Variants in GET1 observed in about 807,000 individuals in gnomAD.
GET1 encodes guided entry of tail-anchored proteins factor 1.
A neutral mutation model predicts 22.6 loss-of-function variants in GET1; 20 were observed. The ratio of observed to expected loss-of-function variants is 0.89; its 90% CI spans 0.62 to 1.29. The LOEUF is 1.29. Among genes scored for constraint, GET1 ranks in the 50% most tolerant of loss-of-function variants. The pLI, the probability that GET1 is intolerant of heterozygous loss-of-function variation, is 0.00. For synonymous variants in GET1, 92 were observed against 83.8 expected, an observed-to-expected ratio of 1.10 and a Z score of -0.53; for missense variants, 209 against 219.9, an observed-to-expected ratio of 0.95 and a Z score of 0.31.
At chr21:39,406,603 C>G in exon 5 of GET1, 1 of 1,573,268 alleles carries the variant, frequency 6.4e-7, no homozygotes, top group Non-Finnish European at 8.6e-7. Flanking sequence ...TTTCTCTTCC[C>G]CTGATAAATC....
chr21:39,389,707 C>T (rs1022980180), intron 1 of GET1, among the ~76,000 whole-genome samples: 5 of 152,158 alleles, frequency 3.3e-5, no homozygotes, highest in African/African-American at 1.2e-4. Flanking sequence ...TATCACCATG[C>T]CTGGCCCTGA....
At chr21:39,421,946 CA>C (rs1180775705) in intron 1 of GET1, 1 of 152,118 alleles carries the variant, frequency 6.6e-6, no homozygotes, top group African/African-American at 2.4e-5. Context: ...AACTTAGATA[CA>C]TACATGAAAA....
intron 2 of GET1, chr21:39,391,286 G>A (rs995120787): frequency 1.7e-4 from 38 of 223,270 alleles, no homozygotes; most frequent in South Asian, 3.8e-4. Context: ...GTCCTGTGAT[G>A]AAGAGCGCTT....
intron 1 of GET1, among the ~76,000 whole-genome samples, chr21:39,417,765 T>A (rs1296131843): frequency 1.3e-5 from 2 of 151,944 alleles, no homozygotes; most frequent in East Asian, 1.9e-4. Flanking sequence ...TTTAATTTTT[T>A]AATTTTTAAT....
At chr21:39,423,705 C>A (rs2074132148) in intron 1 of GET1, among the ~76,000 whole-genome samples, 1 of 152,186 alleles carries the variant, frequency 6.6e-6, no homozygotes, top group Non-Finnish European at 1.5e-5. Flanking sequence ...TAATACAATT[C>A]TTTAAGATCA....
chr21:39,423,556 C>T, intron 1 of GET1: 10 of 1,365,550 alleles, frequency 7.3e-6, no homozygotes, highest in Non-Finnish European at 9.8e-6. Flanking sequence ...TGCACATATG[C>T]ATAATCTCTC....
chr21:39,420,746 G>A, intron 1 of GET1: 1 of 1,613,514 alleles, frequency 6.2e-7, no homozygotes, highest in Non-Finnish European at 8.5e-7. Flanking sequence ...CACCTGCAGA[G>A]TCTTGGTAGC....
At chr21:39,414,742 C>CTCTCTGTGTGTGTGTG (rs1341489035) in intron 1 of GET1, among the ~76,000 whole-genome samples, 4 of 99,174 alleles carry the variant, frequency 4.0e-5, no homozygotes, top group Non-Finnish European at 5.7e-5. Context: ...CTCTCTCTCT[C>CTCTCTGTGTGTGTGTG]TGTGTGTGTG....
downstream of GET1, among the ~76,000 whole-genome samples, chr21:39,409,592 G>GT (rs200624315): frequency 3.1e-3 from 460 of 150,292 alleles, 5 homozygotes; most frequent in African/African-American, 9.6e-3. The surrounding 1 kb of genome is among the most constrained non-coding windows in gnomAD (Gnocchi z 4.2). Context: ...ACGGTTTTAT[G>GT]TTTTTTTTTT....
chr21:39,419,344 G>A (rs2041864044), intron 1 of GET1, among the ~76,000 whole-genome samples: 1 of 151,996 alleles, frequency 6.6e-6, no homozygotes, highest in Admixed American at 6.6e-5. Context: ...GGGCAACACA[G>A]CGAGACCCCG....
intron 4 of GET1, among the ~76,000 whole-genome samples, chr21:39,403,523 C>T (rs1008572807): frequency 1.4e-5 from 2 of 142,694 alleles, no homozygotes; most frequent in African/African-American, 5.6e-5. Flanking sequence ...AGACGGGGTT[C>T]ACCGTGTTAG....
chr21:39,398,201 T>G (rs1032821085), downstream of GET1, among the ~76,000 whole-genome samples: 3 of 152,116 alleles, frequency 2.0e-5, no homozygotes, highest in African/African-American at 7.2e-5. Flanking sequence ...CCACAAAGGA[T>G]GAGAAGCCAA....
At chr21:39,420,538 A>AAAAAAAG in intron 1 of GET1, among the ~76,000 whole-genome samples, 1 of 151,272 alleles carries the variant, frequency 6.6e-6, no homozygotes, top group Non-Finnish European at 1.5e-5. Context: ...AAAAAAAAAA[A>AAAAAAAG]AAAGATAAAC....
intron 1 of GET1, among the ~76,000 whole-genome samples, chr21:39,418,419 T>C (rs2041683808): frequency 6.6e-6 from 1 of 152,236 alleles, no homozygotes; most frequent in Non-Finnish European, 1.5e-5. Context: ...GATCTTACTG[T>C]ATATAGAATT....
downstream of GET1, among the ~76,000 whole-genome samples, chr21:39,400,061 A>AT (rs1351246084): frequency 2.0e-5 from 3 of 152,128 alleles, no homozygotes; most frequent in Admixed American, 6.6e-5. Context: ...TGTTGCCACC[A>AT]TAAGGGGCTG....
intron 1 of GET1, among the ~76,000 whole-genome samples, chr21:39,388,328 C>T (rs73365913): frequency 0.017 from 2,543 of 152,256 alleles, 75 homozygotes; most frequent in African/African-American, 0.058. Context: ...AGATCTAATG[C>T]AGGCGTCAAG....
chr21:39,424,063 A>G (rs978981578), intron 1 of GET1, among the ~76,000 whole-genome samples: 9 of 151,600 alleles, frequency 5.9e-5, no homozygotes, highest in African/African-American at 2.2e-4. Context: ...CCCAGGCTGG[A>G]GTGTAGTGGT....
At chr21:39,410,107 G>A, downstream of GET1, 1 of 1,568,572 alleles carries the variant, frequency 6.4e-7, no homozygotes, top group Non-Finnish European at 8.8e-7. Flanking sequence ...CTGTAATTTA[G>A]AAAAGCAGCA....
chr21:39,424,995 A>G (rs1024173371), intron 1 of GET1, among the ~76,000 whole-genome samples: 2 of 152,212 alleles, frequency 1.3e-5, no homozygotes, highest in African/African-American at 4.8e-5. Context: ...CCCATTGTCT[A>G]TGTGCCTATG....
Sources: gnomAD v4.1 joint callset for allele counts (sites outside exome capture counted in the v4.1 genomes callset) on GRCh38, gnomAD v4.1.1 for gene constraint, Gnocchi (gnomAD v3.1) non-coding constraint, MANE v1.5 for transcripts, NCBI Gene and HGNC (gene_info 2026-07-23, HGNC 2026-07-21) for gene names.